ZNF174: variants seen among roughly 807,000 people sequenced by gnomAD.
ZNF174 encodes zinc finger protein 174, also known as AW-1.
In ZNF174, 30 loss-of-function variants were observed where a neutral mutation model predicts 38.7. The observed-to-expected ratio is 0.78, with a 90% CI of 0.58 to 1.05. The LOEUF is 1.05. Among genes scored for constraint, ZNF174 ranks in the 50% least tolerant of loss-of-function variants. The pLI is 0.00. For missense variants in ZNF174, 499 were observed against 495.6 expected (o/e 1.01, Z -0.06); for synonymous variants, 201 against 181.7 (o/e 1.11, Z -0.86).
In ZNF174 at chr16:3,404,520, C is replaced by G; in HGVS notation, c.497C>G (p.Pro166Arg). Residue 166 changes from proline (P) to arginine (R), a missense_variant, in exon 2 of 3, where the codon CCT becomes CGT. By Grantham distance (103) the Pro-to-Arg change is moderately radical (BLOSUM62 -2). Coordinates refer to ENST00000268655, the MANE Select transcript of ZNF174 (RefSeq NM_003450.3). ...CTGCCAGACTTTCAACCGCAGACTC[C>G]TAGGAGAGATCTCAGGGAGAGCTCT... ...QELPDFQPQTPRRDLRESSPA... is the reference protein window; with the variant it reads ...QELPDFQPQTRRRDLRESSPA... 1 of 1,614,158 alleles carries G rather than the reference C, an allele frequency of 6.2e-7. No individual in the cohort carries two copies. Among genetic ancestry groups the G allele is most frequent in the Non-Finnish European group, 8.5e-7 (1 of 1,180,020 alleles).
chr16:3,408,368 G>A lies in ZNF174; in HGVS notation c.673G>A (p.Gly225Arg), dbSNP rs141754530. ...CAACAAGGAAAATCCACAACAGGAA[G>A]GGGCTAAAGGAGCAAAGCCATGTGC... The part of the protein sequence containing the change: ...SDNKENPQQE[G>R]AKGAKPCAVS... Residue 225 changes from glycine to arginine, a missense_variant, in exon 3 of 3, where the codon GGG becomes AGG. By Grantham distance (125) the Gly-to-Arg change is moderately radical (BLOSUM62 -2). Transcript: ENST00000268655. The A allele has an allele frequency of 1.7e-5, 27 of 1,609,332 alleles. No homozygotes were observed. The highest frequency in any genetic ancestry group is 2.7e-5 in the African/African-American group (2 of 74,666).
intron 2 of ZNF174, among the ~76,000 whole-genome samples, chr16:3,407,967 T>C (rs1182634649): frequency 1.2e-4 from 19 of 152,370 alleles, no homozygotes; most frequent in Non-Finnish European, 2.9e-5. Flanking sequence ...CTTCATTAGA[T>C]ACCCAATTCT....
chr16:3,407,041 C>T (rs1378717092), intron 2 of ZNF174, among the ~76,000 whole-genome samples: 1 of 152,168 alleles, frequency 6.6e-6, no homozygotes, highest in African/African-American at 2.4e-5. Flanking sequence ...AACAAATTGC[C>T]TTAGACTAGG....
chr16:3,401,977 A>G lies in ZNF174; in HGVS notation c.-28A>G. 1 of 1,604,294 alleles carries G rather than the reference A, an allele frequency of 6.2e-7. No individual in the cohort carries two copies. The highest frequency in any genetic ancestry group is 8.5e-7 in the Non-Finnish European group (1 of 1,177,920). ...ATCCCAAAGGCTTAACCCGTTTACA[A>G]GGAGAGAGTTGTCTCCTGACGCCCA... On this transcript the variant is annotated 5_prime_UTR_variant, in exon 1 of 3. Transcript: ENST00000268655.
chr16:3,404,764 T>C, intron 2 of ZNF174, 116 bp downstream of exon 2: 1 of 1,492,898 alleles, frequency 6.7e-7, no homozygotes, highest in South Asian at 1.2e-5. Flanking sequence ...TTATATATAA[T>C]AGTAGATGAT....
At chr16:3,402,681 A>C (rs974555986) in intron 1 of ZNF174, among the ~76,000 whole-genome samples, 16 of 151,678 alleles carry the variant, frequency 1.1e-4, no homozygotes, top group African/African-American at 3.6e-4. Flanking sequence ...GATGGTCTCG[A>C]TCTCCTGACC....
intron 2 of ZNF174, among the ~76,000 whole-genome samples, chr16:3,405,249 A>G (rs1473182167): frequency 6.6e-6 from 1 of 152,254 alleles, no homozygotes; most frequent in Non-Finnish European, 1.5e-5. Flanking sequence ...TTACAAGACG[A>G]CAAAAATCCT....
Position 3,404,411 on chromosome 16 carries a change from G to A in ZNF174, c.403-15G>A. ...GTCCTGATGGATGGAATTAATGGAT[G>A]GGGCTTGTTCCTAGGTGGCCGTTTG... On this transcript the variant is annotated splice_polypyrimidine_tract_variant and intron_variant, in intron 1 of 2. Coordinates refer to ENST00000268655, the MANE Select transcript of ZNF174 (RefSeq NM_003450.3). 1 of 1,584,258 alleles carries A rather than the reference G, an allele frequency of 6.3e-7. No individual in the cohort carries two copies. Among genetic ancestry groups the A allele is most frequent in the Non-Finnish European group, 8.6e-7 (1 of 1,162,474 alleles).
chr16:3,401,640 G>C lies in ZNF174; in HGVS notation c.-365G>C. ...TGCGACAGCTTGAACTTTTCCTAGG[G>C]ATTCCGCTCCACCCGCCGGTTAGAG... On this transcript the variant is annotated 5_prime_UTR_variant, in exon 1 of 3. Coordinates refer to ENST00000268655, the MANE Select transcript of ZNF174 (RefSeq NM_003450.3). 1 of 212,970 alleles carries C rather than the reference G, an allele frequency of 4.7e-6. No homozygotes were observed. The highest frequency in any genetic ancestry group is 9.4e-6 in the Non-Finnish European group (1 of 106,002). The allele number at this position is 212,970 out of a possible 1,614,324, so 13.2% of individuals were successfully genotyped here. A position where few individuals can be genotyped will look rare whatever the true frequency, so the allele number is the denominator to read the frequency against.
intron 2 of ZNF174, among the ~76,000 whole-genome samples, chr16:3,408,087 C>A (rs2034078774): frequency 6.6e-6 from 1 of 152,104 alleles, no homozygotes; most frequent in African/African-American, 2.4e-5. Flanking sequence ...ATCACAGTCA[C>A]CCCAGGAGCC....
At position 3,408,494 on chromosome 16, in the gene ZNF174, C is replaced by T. The variant is rs371473285; in HGVS notation, c.799C>T (p.Pro267Ser). 1.6e-5 allele frequency: 26 copies of T among 1,613,910 alleles called. No individual in the cohort carries two copies. The highest frequency in any genetic ancestry group is 2.7e-5 in the African/African-American group (2 of 74,850). ...GTTGTCACGGAGGCAGGTCAGCTCC[C>T]CAAATGCTCAAAAGCCATTTGCTCA... ...PRLSRRQVSSPNAQKPFAHYQ... is the reference protein window; with the variant it reads ...PRLSRRQVSSSNAQKPFAHYQ... The change falls in exon 3 of 3, where the codon CCA becomes TCA. Residue 267 changes from proline (P) to serine (S), a missense_variant. Physicochemically the swap from Pro to Ser is moderately conservative, Grantham distance 74. Coordinates refer to ENST00000268655, the MANE Select transcript of ZNF174 (RefSeq NM_003450.3).
At chr16:3,404,763 A>G (rs776579453) in intron 2 of ZNF174, 115 bp downstream of exon 2, 7 of 1,495,102 alleles carry the variant, frequency 4.7e-6, no homozygotes, top group African/African-American at 1.4e-5. Context: ...GTTATATATA[A>G]TAGTAGATGA....
At chr16:3,405,408 G>T (rs2034041167) in intron 2 of ZNF174, among the ~76,000 whole-genome samples, 1 of 152,154 alleles carries the variant, frequency 6.6e-6, no homozygotes, top group East Asian at 1.9e-4. Flanking sequence ...TGAGTTCAAG[G>T]TGCCAGCATG....
At chr16:3,404,810 G>T (rs1246101673) in intron 2 of ZNF174, 162 bp downstream of exon 2, 2 of 1,548,962 alleles carry the variant, frequency 1.3e-6, no homozygotes, top group Non-Finnish European at 1.8e-6. Flanking sequence ...TAGGATGGTG[G>T]TGATACTACA....
rs573044133 is a variant in ZNF174, at chr16:3,405,248, G to A, written c.625+600G>A. 4.6e-5 allele frequency among the ~76,000 whole-genome samples: 7 copies of A among 152,304 alleles called. No individual in the cohort carries two copies. The East Asian group carries it at 5.8e-4, about 13-fold the overall frequency. On this transcript the variant is annotated intron_variant, in intron 2 of 2. Coordinates refer to ENST00000268655, the MANE Select transcript of ZNF174 (RefSeq NM_003450.3). ...ACGTTAGGGAGGAGGGTTACAAGACGACAAAAATCCTCAGTTTCTTAATAT... is the reference window on the plus strand; with the variant it reads ...ACGTTAGGGAGGAGGGTTACAAGACAACAAAAATCCTCAGTTTCTTAATAT...
In ZNF174 at chr16:3,404,475, C is replaced by T. The variant is rs754223159; in HGVS notation, c.452C>T (p.Ser151Phe). The change falls in exon 2 of 3, where the codon TCT becomes TTT. Residue 151 changes from serine (S) to phenylalanine (F), a missense_variant. Transcript: ENST00000268655. Reference sequence around the variant, plus strand: ...AAGGTGCTCTTGGAGAAAACTGGATCTCAGCTTGGAGAACAGGAACTGCCA... The same window carrying T: ...AAGGTGCTCTTGGAGAAAACTGGATTTCAGCTTGGAGAACAGGAACTGCCA... ...GQKVLLEKTG[S>F]QLGEQELPDF... is the part of the protein sequence containing the mutation. The T allele has an allele frequency of 6.2e-7, 1 of 1,611,524 alleles. No homozygotes were observed. The highest frequency in any genetic ancestry group is 1.1e-5 in the South Asian group (1 of 91,030).
chr16:3,404,757 T>C (rs2034028633), intron 2 of ZNF174, 109 bp downstream of exon 2: 2 of 1,502,184 alleles, frequency 1.3e-6, no homozygotes, highest in South Asian at 1.2e-5. Flanking sequence ...TTAAATGTTA[T>C]ATATAATAGT....
At chr16:3,403,487 AT>A (rs111352524) in intron 1 of ZNF174, among the ~76,000 whole-genome samples, 10,573 of 122,512 alleles carry the variant, frequency 0.086, 1,049 homozygotes, top group African/African-American at 0.27. Flanking sequence ...TTTGTCTTTG[AT>A]TTTTTTTTTT....
rs1365600800 is a variant in ZNF174 at position 3,404,564 on chromosome 16, G to A, written c.541G>A (p.Ala181Thr). 1 of 1,614,218 alleles carries A rather than the reference G, an allele frequency of 6.2e-7. No individual in the cohort carries two copies. Among genetic ancestry groups the A allele is most frequent in the Admixed American group, 1.7e-5 (1 of 60,030 alleles). ...GAGCTCTCCAGCAGAGCCTTCCCAG[G>A]CAGGAGCTTATGACCGGCTGAGCCC... is the stretch of plus-strand genomic sequence containing the variant. Reference protein sequence around the residue: ...RESSPAEPSQAGAYDRLSPHH... With the variant: ...RESSPAEPSQTGAYDRLSPHH... The change falls in exon 2 of 3, where the codon GCA becomes ACA. Residue 181 changes from alanine to threonine, a missense_variant. Transcript: ENST00000268655.
Sources: allele counts gnomAD v4.1 joint callset (sites outside exome capture counted in the v4.1 genomes callset), GRCh38; gene constraint gnomAD v4.1.1; transcripts MANE v1.5; gene names NCBI Gene and HGNC (gene_info 2026-07-23, HGNC 2026-07-21).